GRM5: variants seen among roughly 807,000 people sequenced by gnomAD.
GRM5 encodes the protein metabotropic glutamate receptor 5.
A neutral mutation model predicts 83.1 loss-of-function variants in GRM5; 19 were observed. The observed-to-expected ratio is 0.23, with a 90% CI of 0.16 to 0.34. The LOEUF is 0.34. Ranked by LOEUF, GRM5 falls within the 10% of genes least tolerant of loss-of-function variation. The pLI, the probability that GRM5 is intolerant of heterozygous loss-of-function variation, is 1.00. For synonymous variants in GRM5, 675 were observed against 633.6 expected, an observed-to-expected ratio of 1.07 and a Z score of -0.98; for missense variants, 1,160 against 1,588.3, an observed-to-expected ratio of 0.73 and a Z score of 4.58.
At chr11:88,832,376 C>T (rs773038804) in intron 3 of GRM5, among the ~76,000 whole-genome samples, 2 of 151,922 alleles carry the variant, frequency 1.3e-5, no homozygotes, top group Non-Finnish European at 2.9e-5. Flanking sequence ...ATTACAATGG[C>T]TATTAAAAAA....
intron 3 of GRM5, among the ~76,000 whole-genome samples, chr11:88,835,339 T>G (rs777059667): frequency 6.6e-6 from 1 of 152,144 alleles, no homozygotes; most frequent in Non-Finnish European, 1.5e-5. Flanking sequence ...TGAGATAGAA[T>G]AGGTGAAGAT....
chr11:88,889,528 A>C (rs1200673193), intron 2 of GRM5, among the ~76,000 whole-genome samples: 1 of 152,162 alleles, frequency 6.6e-6, no homozygotes, highest in African/African-American at 2.4e-5. Flanking sequence ...CTTTTTGTAA[A>C]GTTCAGAAGC....
At chr11:89,055,255 G>A (rs996438144) in intron 1 of GRM5, among the ~76,000 whole-genome samples, 2 of 152,190 alleles carry the variant, frequency 1.3e-5, no homozygotes, top group African/African-American at 4.8e-5. Flanking sequence ...GTGTCCTTAG[G>A]CATTTAGCCT....
intron 3 of GRM5, among the ~76,000 whole-genome samples, chr11:88,772,801 A>G (rs1033921312): frequency 6.6e-6 from 1 of 152,154 alleles, no homozygotes; most frequent in South Asian, 2.1e-4. Context: ...ATGGCTGCAT[A>G]GTATTCCATG....
At chr11:88,879,752 A>G (rs1590933689) in intron 2 of GRM5, among the ~76,000 whole-genome samples, 1 of 152,150 alleles carries the variant, frequency 6.6e-6, no homozygotes, top group Middle Eastern at 3.4e-3. Flanking sequence ...GGTAGATGAA[A>G]TGATCAGTAT....
At chr11:89,026,226 A>G (rs1941127541) in intron 2 of GRM5, among the ~76,000 whole-genome samples, 1 of 152,202 alleles carries the variant, frequency 6.6e-6, no homozygotes, top group South Asian at 2.1e-4. Flanking sequence ...CACATTACAC[A>G]GGTGACAAAA....
rs1311644883 is a variant in GRM5 at position 88,971,266 on chromosome 11, C to CT, written c.661+75945dup. ...CATATTATTTGTATACATAGATTTG[C>CT]TTTTTTAAATTTAACTGTTTTTAAC... On this transcript the variant is annotated intron_variant, in intron 2 of 9. Transcript: ENST00000305447. Among the ~76,000 whole-genome samples, 10 of 152,046 alleles carry CT rather than the reference C, an allele frequency of 6.6e-5. No homozygotes were observed. The South Asian group carries it at 2.1e-3, about 31-fold the overall frequency.
intron 2 of GRM5, among the ~76,000 whole-genome samples, chr11:88,959,439 T>C (rs573504651): frequency 1.3e-5 from 2 of 151,776 alleles, no homozygotes; most frequent in East Asian, 3.9e-4. Context: ...TATAAACATA[T>C]TATAATTAAT....
intron 3 of GRM5, among the ~76,000 whole-genome samples, chr11:88,757,840 T>C (rs1032419246): frequency 6.6e-6 from 1 of 152,168 alleles, no homozygotes; most frequent in South Asian, 2.1e-4. Flanking sequence ...CTCCCATTGA[T>C]GTTTAGGGAC....
At chr11:88,899,612 A>C (rs903076378) in intron 2 of GRM5, among the ~76,000 whole-genome samples, 3 of 151,996 alleles carry the variant, frequency 2.0e-5, no homozygotes, top group Non-Finnish European at 4.4e-5. Flanking sequence ...TACAGTTTGA[A>C]ATTTAAGCTC....
intron 3 of GRM5, among the ~76,000 whole-genome samples, chr11:88,720,048 T>C (rs1357547166): frequency 6.6e-6 from 1 of 152,098 alleles, no homozygotes; most frequent in Non-Finnish European, 1.5e-5. Flanking sequence ...TCTTTTGTTT[T>C]GTAGAAACTC....
At chr11:88,853,258 T>C (rs1164236100) in intron 2 of GRM5, among the ~76,000 whole-genome samples, 1 of 152,106 alleles carries the variant, frequency 6.6e-6, no homozygotes, top group Non-Finnish European at 1.5e-5. Flanking sequence ...AGAATCCACC[T>C]ATAGACAAAT....
At chr11:89,050,642 A>G (rs1941736953) in intron 1 of GRM5, among the ~76,000 whole-genome samples, 1 of 152,218 alleles carries the variant, frequency 6.6e-6, no homozygotes, top group African/African-American at 2.4e-5. Context: ...AATATAAATC[A>G]TTCCATTATA....
At chr11:89,011,857 A>G (rs1488323767) in intron 2 of GRM5, among the ~76,000 whole-genome samples, 1 of 152,198 alleles carries the variant, frequency 6.6e-6, no homozygotes, top group Non-Finnish European at 1.5e-5. Flanking sequence ...ATGTTATTTC[A>G]TAGATGTTTT....
At chr11:88,848,266 A>G (rs1944331381) in intron 3 of GRM5, among the ~76,000 whole-genome samples, 1 of 152,180 alleles carries the variant, frequency 6.6e-6, no homozygotes, top group Non-Finnish European at 1.5e-5. Context: ...ATCTCACTCA[A>G]TATCATTTTT....
At chr11:88,927,008 G>A (rs1309859946) in intron 2 of GRM5, among the ~76,000 whole-genome samples, 4 of 152,214 alleles carry the variant, frequency 2.6e-5, no homozygotes, top group Non-Finnish European at 5.9e-5. Context: ...AAAATGCTAT[G>A]ACCAATTTCT....
intron 3 of GRM5, among the ~76,000 whole-genome samples, chr11:88,712,470 C>G (rs1941304080): frequency 2.0e-5 from 3 of 151,968 alleles, no homozygotes; most frequent in African/African-American, 7.2e-5. Context: ...TCATCTTGCA[C>G]TGAAAGTATG....
intron 2 of GRM5, among the ~76,000 whole-genome samples, chr11:88,970,415 T>C (rs1239905799): frequency 3.3e-5 from 5 of 152,084 alleles, no homozygotes; most frequent in African/African-American, 1.2e-4. Flanking sequence ...TTCTTAAACG[T>C]CTTTGTCTGG....
At chr11:88,956,444 A>G (rs1938616162) in intron 2 of GRM5, among the ~76,000 whole-genome samples, 1 of 152,254 alleles carries the variant, frequency 6.6e-6, no homozygotes, top group Non-Finnish European at 1.5e-5. Context: ...GATTGAATAC[A>G]AATATTACAT....
Sources: gnomAD v4.1 joint callset for allele counts (sites outside exome capture counted in the v4.1 genomes callset) on GRCh38, gnomAD v4.1.1 for gene constraint, MANE v1.5 for transcripts, NCBI Gene and HGNC (gene_info 2026-07-23, HGNC 2026-07-21) for gene names.